The following RIMS2 variants were observed in gnomAD, a reference collection of about 807,000 sequenced individuals.
RIMS2 encodes regulating synaptic membrane exocytosis 2.
In RIMS2, 59 loss-of-function variants were observed where a neutral mutation model predicts 174.4. That is an observed-to-expected ratio of 0.34 (90% CI 0.27 to 0.42). The LOEUF is 0.42. Ranked by LOEUF, RIMS2 falls within the 10% of genes least tolerant of loss-of-function variation. RIMS2 has a pLI of 1.00. For missense variants in RIMS2, 1,620 were observed against 1,666.3 expected, an observed-to-expected ratio of 0.97 and a Z score of 0.48; for synonymous variants, 606 against 572.5, an observed-to-expected ratio of 1.06 and a Z score of -0.84.
intron 1 of RIMS2, among the ~76,000 whole-genome samples, chr8:103,585,658 C>T (rs1563889942): frequency 1.3e-5 from 2 of 151,620 alleles, no homozygotes; most frequent in South Asian, 2.1e-4. Context: ...CACATGTTCT[C>T]ATAAGTGGGA....
intron 19 of RIMS2, among the ~76,000 whole-genome samples, chr8:104,133,730 T>C (rs1194623889): frequency 6.6e-6 from 1 of 152,122 alleles, no homozygotes; most frequent in Admixed American, 6.5e-5. Context: ...ATATGTAATA[T>C]ATTTTAGAGA....
chr8:104,237,023 T>A (rs531621644), intron 19 of RIMS2, among the ~76,000 whole-genome samples: 1 of 152,274 alleles, frequency 6.6e-6, no homozygotes, highest in South Asian at 2.1e-4. Flanking sequence ...CTAAAACTAT[T>A]CTAAAATCAA....
intron 19 of RIMS2, among the ~76,000 whole-genome samples, chr8:104,073,119 A>G (rs2097222312): frequency 6.6e-6 from 1 of 152,148 alleles, no homozygotes; most frequent in South Asian, 2.1e-4. Flanking sequence ...TGATTTATTA[A>G]GTTTAACAGT....
chr8:103,769,621 C>T (rs1317616192), intron 3 of RIMS2, among the ~76,000 whole-genome samples: 2 of 152,158 alleles, frequency 1.3e-5, no homozygotes, highest in African/African-American at 2.4e-5. Context: ...CCACCGTGCC[C>T]GGTTGCCTAT....
intron 2 of RIMS2, among the ~76,000 whole-genome samples, chr8:103,721,169 C>G (rs914342629): frequency 2.6e-5 from 4 of 152,250 alleles, no homozygotes; most frequent in African/African-American, 9.6e-5. Context: ...GGCTCCCCTT[C>G]GCTTTCTGCC....
chr8:103,784,815 G>A (rs1189029315), intron 3 of RIMS2, among the ~76,000 whole-genome samples: 3 of 107,560 alleles, frequency 2.8e-5, no homozygotes, highest in Non-Finnish European at 5.7e-5. Flanking sequence ...GAAAGGCATT[G>A]GTAGCTTGAT....
chr8:104,012,348 TTTTTTC>T (rs1310941516), intron 17 of RIMS2, among the ~76,000 whole-genome samples: 1 of 146,904 alleles, frequency 6.8e-6, no homozygotes. Context: ...ATTATGTCCT[TTTTTTC>T]TTTTTTTTTT....
chr8:103,789,714 C>G (rs2098478200), intron 3 of RIMS2, among the ~76,000 whole-genome samples: 1 of 147,534 alleles, frequency 6.8e-6, no homozygotes, highest in Non-Finnish European at 1.5e-5. Flanking sequence ...TTTACCAATG[C>G]ATAAAAATAA....
intron 1 of RIMS2, among the ~76,000 whole-genome samples, chr8:103,660,885 T>C (rs2096592192): frequency 6.6e-6 from 1 of 152,150 alleles, no homozygotes; most frequent in African/African-American, 2.4e-5. Flanking sequence ...AATATAAAAC[T>C]TAAGTAAAAC....
chr8:103,542,057 C>T (rs965536445), intron 1 of RIMS2, among the ~76,000 whole-genome samples: 12 of 151,792 alleles, frequency 7.9e-5, no homozygotes, highest in Non-Finnish European at 5.9e-5. Flanking sequence ...CAACCAAGAG[C>T]AAGGTTAGAG....
At chr8:104,062,252 C>T (rs1414676677) in intron 19 of RIMS2, among the ~76,000 whole-genome samples, 1 of 151,860 alleles carries the variant, frequency 6.6e-6, no homozygotes, top group Non-Finnish European at 1.5e-5. Flanking sequence ...AAAAATACAA[C>T]AATTAGCTGG....
intron 1 of RIMS2, among the ~76,000 whole-genome samples, chr8:103,590,501 A>T (rs2094199929): frequency 6.6e-6 from 1 of 151,196 alleles, no homozygotes; most frequent in Non-Finnish European, 1.5e-5. Flanking sequence ...AGAATTTTTA[A>T]TTTTTTTCCA....
intron 19 of RIMS2, among the ~76,000 whole-genome samples, chr8:104,043,414 A>G (rs914947674): frequency 2.0e-5 from 3 of 151,618 alleles, no homozygotes; most frequent in African/African-American, 7.2e-5. Context: ...CGGATGTAGT[A>G]ATTAATCATT....
chr8:104,127,894 G>T (rs1247317958), intron 19 of RIMS2, among the ~76,000 whole-genome samples: 1 of 152,148 alleles, frequency 6.6e-6, no homozygotes, highest in Non-Finnish European at 1.5e-5. Flanking sequence ...TACTGACTCT[G>T]CCCAAAAGCA....
intron 4 of RIMS2, among the ~76,000 whole-genome samples, chr8:103,907,999 C>T (rs548344762): frequency 1.3e-5 from 2 of 152,018 alleles, no homozygotes; most frequent in Admixed American, 6.5e-5. Context: ...CCGCCCGCCT[C>T]GGCCTCCCAA....
exon 7 of RIMS2, chr8:103,915,549 G>C: frequency 1.2e-6 from 2 of 1,606,626 alleles, no homozygotes; most frequent in Non-Finnish European, 1.7e-6. Context: ...TATTACTAAA[G>C]TAAAAAAAGG....
At chr8:104,106,063 AAAG>A (rs2098053403) in intron 19 of RIMS2, among the ~76,000 whole-genome samples, 2 of 144,762 alleles carry the variant, frequency 1.4e-5, no homozygotes, top group African/African-American at 2.6e-5. Context: ...AAAAAAAAAA[AAAG>A]AGAAAGAGAA....
intron 19 of RIMS2, among the ~76,000 whole-genome samples, chr8:104,141,593 G>A (rs1599788829): frequency 6.6e-6 from 1 of 152,144 alleles, no homozygotes; most frequent in Non-Finnish European, 1.5e-5. Context: ...ATCTGAATAG[G>A]CAGTTAAATA....
chr8:103,521,990 T>A (rs756129042), intron 1 of RIMS2, among the ~76,000 whole-genome samples: 11 of 151,976 alleles, frequency 7.2e-5, no homozygotes, highest in Non-Finnish European at 1.3e-4. Flanking sequence ...GCTAGTAATG[T>A]TTTTTTTCTT....
Sources: allele counts gnomAD v4.1 joint callset (sites outside exome capture counted in the v4.1 genomes callset), GRCh38; gene constraint gnomAD v4.1.1; transcripts MANE v1.5; gene names NCBI Gene and HGNC (gene_info 2026-07-23, HGNC 2026-07-21).